The following PHRF1 variants were observed in gnomAD, a reference collection of about 807,000 sequenced individuals.
PHRF1 encodes PHD and RING finger domain-containing protein 1.
In PHRF1, 53 loss-of-function variants were observed where a neutral mutation model predicts 128.9. That is an observed-to-expected ratio of 0.41 (90% CI 0.33 to 0.52). PHRF1 has a LOEUF of 0.52. Ranked by LOEUF, PHRF1 falls within the 20% of genes least tolerant of loss-of-function variation. The pLI is 0.21. For missense variants in PHRF1, 2,503 were observed against 2,284.5 expected, an observed-to-expected ratio of 1.10 and a Z score of -1.95; for synonymous variants, 1,178 against 980.6, an observed-to-expected ratio of 1.20 and a Z score of -3.76.
intron 1 of PHRF1, 66 bp from the exon 2 acceptor site, chr11:581,426 A>T (rs1173179092): frequency 1.2e-5 from 17 of 1,423,594 alleles, no homozygotes; most frequent in Non-Finnish European, 1.7e-5. Flanking sequence ...GAGAGGTCAT[A>T]ACTCTTCAGA....
chr11:594,605 G>A (rs892340508), intron 6 of PHRF1, among the ~76,000 whole-genome samples: 1 of 152,104 alleles, frequency 6.6e-6, no homozygotes, highest in Non-Finnish European at 1.5e-5. Context: ...GGGATTACAG[G>A]CACATGCCAC....
chr11:598,241 C>T, intron 8 of PHRF1, 132 bp from the exon 9 acceptor site: 4 of 1,272,524 alleles, frequency 3.1e-6, no homozygotes, highest in Non-Finnish European at 4.2e-6. Context: ...GTGGCTGCTG[C>T]AGTGGCGGGT....
chr11:611,192 C>G (rs1399311511), intron 17 of PHRF1, 110 bp downstream of exon 17: 1 of 1,518,416 alleles, frequency 6.6e-7, no homozygotes, highest in African/African-American at 1.4e-5. Flanking sequence ...CCGAGGTCAG[C>G]CAGCCAGGTT....
At chr11:591,283 T>C (rs1488590922) in intron 4 of PHRF1, 101 bp from the exon 5 acceptor site, 2 of 1,048,052 alleles carry the variant, frequency 1.9e-6, no homozygotes, top group Non-Finnish European at 2.8e-6. Context: ...GCCTGGCGCA[T>C]GGAGGCATTT....
In PHRF1 at chr11:611,458, C is replaced by T. The variant is rs530311665; in HGVS notation, c.4807-176C>T. Among the ~76,000 whole-genome samples the T allele has an allele frequency of 2.0e-5, 3 of 152,274 alleles. No homozygotes were observed. The South Asian group carries it at 6.2e-4, about 32-fold the overall frequency. On this transcript the variant is annotated intron_variant, in intron 17 of 17. Transcript: ENST00000264555. The stretch of plus-strand genomic sequence containing the variant: ...CTCAGTGGCCTTGTGAGCGGCATAG[C>T]GAACAGGACGGGGGTCTCACATAGG...
chr11:611,310 T>C (rs1008672931), intron 17 of PHRF1, among the ~76,000 whole-genome samples: 4 of 152,170 alleles, frequency 2.6e-5, no homozygotes, highest in African/African-American at 9.7e-5. Flanking sequence ...CAGTGCACCC[T>C]GGGTAATTTA....
intron 1 of PHRF1, among the ~76,000 whole-genome samples, chr11:579,761 C>T (rs761640703): frequency 2.8e-4 from 42 of 152,214 alleles, no homozygotes; most frequent in Admixed American, 4.6e-4. Flanking sequence ...CTTCTACAAT[C>T]GCTGTTTCCA....
intron 5 of PHRF1, among the ~76,000 whole-genome samples, chr11:591,794 T>G (rs917995043): frequency 2.0e-5 from 3 of 152,174 alleles, no homozygotes; most frequent in African/African-American, 7.2e-5. Flanking sequence ...TCACCCAGGC[T>G]GGAGTGCAGT....
chr11:592,900 G>GTAA (rs1156445484), intron 6 of PHRF1, among the ~76,000 whole-genome samples: 2 of 152,234 alleles, frequency 1.3e-5, no homozygotes, highest in African/African-American at 4.8e-5. Flanking sequence ...AGAAGTGCAG[G>GTAA]TAATACATCA....
At chr11:588,156 C>G (rs1214707202) in intron 4 of PHRF1, among the ~76,000 whole-genome samples, 1 of 152,132 alleles carries the variant, frequency 6.6e-6, no homozygotes, top group African/African-American at 2.4e-5. Context: ...TCTTCAGGAC[C>G]GTGACCTCAC....
At chr11:605,321 C>T in intron 11 of PHRF1, 21 bp downstream of exon 11, 1 of 1,606,808 alleles carries the variant, frequency 6.2e-7, no homozygotes, top group Non-Finnish European at 8.5e-7. Flanking sequence ...TGGTGATGGT[C>T]CTGCCTGGGC....
intron 6 of PHRF1, among the ~76,000 whole-genome samples, chr11:594,742 G>A (rs978218444): frequency 2.0e-5 from 3 of 152,220 alleles, no homozygotes; most frequent in African/African-American, 7.2e-5. Context: ...GATTAAAGGC[G>A]TGAGCCACTA....
intron 3 of PHRF1, among the ~76,000 whole-genome samples, chr11:586,792 G>A (rs1854593450): frequency 6.6e-6 from 1 of 152,136 alleles, no homozygotes. Flanking sequence ...AACCTCAGAA[G>A]GAAGTCCCTT....
chr11:583,452 G>T (rs560590151), intron 3 of PHRF1, among the ~76,000 whole-genome samples: 2 of 152,272 alleles, frequency 1.3e-5, no homozygotes, highest in East Asian at 3.9e-4. Flanking sequence ...AAGAGGTCGA[G>T]GCTACAGCGA....
At position 582,052 on chromosome 11, in the gene PHRF1, C is replaced by T; in HGVS notation, c.185C>T (p.Ser62Phe). The change falls in exon 3 of 18, where the codon TCT becomes TTT. Residue 62 changes from serine (S) to phenylalanine (F), a missense_variant. Physicochemically the swap from Ser to Phe is radical, Grantham distance 155. Coordinates refer to ENST00000264555, the MANE Select transcript of PHRF1 (RefSeq NM_001286581.2). The part of the protein sequence containing the change: ...DGTDGEDEGA[S>F]EEEDLEDRSG... Reference sequence around the variant, plus strand: ...ACAGACGGAGAAGACGAGGGGGCGTCTGAGGAGGAAGACCTGGAAGACAGA... The same window carrying T: ...ACAGACGGAGAAGACGAGGGGGCGTTTGAGGAGGAAGACCTGGAAGACAGA... 6.2e-7 allele frequency: 1 copy of T among 1,603,236 alleles called. No homozygotes were observed. Among genetic ancestry groups the T allele is most frequent in the Non-Finnish European group, 8.5e-7 (1 of 1,175,098 alleles).
intron 2 of PHRF1, 147 bp from the exon 3 acceptor site, chr11:581,815 G>A (rs925506865): frequency 3.2e-6 from 4 of 1,237,206 alleles, no homozygotes; most frequent in African/African-American, 3.1e-5. Context: ...CCCTTTCCTT[G>A]CTTGTGCCCC....
At position 583,168 on chromosome 11, in the gene PHRF1, G is replaced by A. The variant is rs187630163; in HGVS notation, c.214+1087G>A. ...ATTGTGGCTAACATGGTGAAACCCC[G>A]TCTCTACTAAAAATAGAAAAATTAG... On this transcript the variant is annotated intron_variant, in intron 3 of 17. Coordinates refer to ENST00000264555, the MANE Select transcript of PHRF1 (RefSeq NM_001286581.2). Among the ~76,000 whole-genome samples, 123 of 151,042 alleles carry A rather than the reference G, an allele frequency of 8.1e-4. No homozygotes were observed. The East Asian group carries it at 0.02, about 25-fold the overall frequency.
chr11:604,595 A>T (rs1855834878), intron 10 of PHRF1, among the ~76,000 whole-genome samples: 1 of 151,968 alleles, frequency 6.6e-6, no homozygotes, highest in Admixed American at 6.6e-5. Context: ...GTTCACTGCA[A>T]CCTCTGCCTC....
Position 608,402 on chromosome 11 carries a change from C to T in PHRF1, c.2946C>T (p.His982=). The T allele has an allele frequency of 6.2e-7, 1 of 1,611,648 alleles. No homozygotes were observed. Among genetic ancestry groups the T allele is most frequent in the Non-Finnish European group, 8.5e-7 (1 of 1,179,560 alleles). ...PSPDVLQAAT[H]RVVELRPPSR... is the part of the protein sequence containing the mutation. Reference sequence around the variant, plus strand: ...CGGACGTGCTGCAGGCTGCCACCCACAGAGTCGTGGAGCTCAGGCCCCCTT... The same window carrying T: ...CGGACGTGCTGCAGGCTGCCACCCATAGAGTCGTGGAGCTCAGGCCCCCTT... The change falls in exon 14 of 18, where the codon CAC becomes CAT. Residue 982 remains histidine (H), a synonymous_variant. Coordinates refer to ENST00000264555, the MANE Select transcript of PHRF1 (RefSeq NM_001286581.2).
Sources: allele counts gnomAD v4.1 joint callset (sites outside exome capture counted in the v4.1 genomes callset), GRCh38; gene constraint gnomAD v4.1.1; transcripts MANE v1.5; gene names NCBI Gene and HGNC (gene_info 2026-07-23, HGNC 2026-07-21).